SLC25A24: variants seen among roughly 807,000 people sequenced by gnomAD.
SLC25A24 encodes solute carrier family 25 member 24, also known as mitochondrial adenyl nucleotide antiporter SLC25A24.
Under a neutral mutation model 60.7 loss-of-function variants are expected in SLC25A24, and 49 were observed. The ratio of observed to expected loss-of-function variants is 0.81; its 90% CI spans 0.64 to 1.02. The LOEUF (loss-of-function observed/expected upper bound fraction) is 1.02, where lower values mean the gene tolerates loss of function less well. Among genes scored for constraint, SLC25A24 ranks in the 50% least tolerant of loss-of-function variants. The probability of loss-of-function intolerance (pLI) is 0.00; values close to 1 mark genes in which losing one functional copy is unlikely to be tolerated. For missense variants in SLC25A24, 564 were observed against 586.3 expected (o/e 0.96, Z 0.39); for synonymous variants, 202 against 200.6 (o/e 1.01, Z -0.06).
intron 8 of SLC25A24, 58 bp downstream of exon 8, chr1:108,143,485 T>C: frequency 7.0e-7 from 1 of 1,419,756 alleles, no homozygotes; most frequent in African/African-American, 1.4e-5. Context: ...TCATATAAAG[T>C]CCAATTCTAA....
At chr1:108,165,768 T>C (rs1069908) in intron 3 of SLC25A24, among the ~76,000 whole-genome samples, 107,316 of 152,018 alleles carry the variant, frequency 0.71, 38,313 homozygotes, top group African/African-American at 0.81. Flanking sequence ...CTGTGTCTTT[T>C]AATTGGAGCA....
chr1:108,141,134 G>A (rs993071875), intron 8 of SLC25A24, among the ~76,000 whole-genome samples: 39 of 152,040 alleles, frequency 2.6e-4, no homozygotes, highest in African/African-American at 9.4e-4. Flanking sequence ...AGAGAAAAGG[G>A]GTGGCCATAA....
intron 4 of SLC25A24, among the ~76,000 whole-genome samples, chr1:108,159,178 A>G (rs1163220647): frequency 2.6e-5 from 4 of 152,220 alleles, no homozygotes; most frequent in African/African-American, 9.6e-5. Context: ...ACTGGTATGA[A>G]ATGCTAAGCA....
intron 4 of SLC25A24, among the ~76,000 whole-genome samples, chr1:108,160,084 C>T (rs1312350065): frequency 2.6e-5 from 4 of 151,420 alleles, no homozygotes; most frequent in Admixed American, 6.6e-5. Flanking sequence ...GGTGGCTGGC[C>T]GGGCGGGGGG....
chr1:108,175,824 G>A (rs1647657319), intron 3 of SLC25A24, among the ~76,000 whole-genome samples: 1 of 152,168 alleles, frequency 6.6e-6, no homozygotes, highest in Non-Finnish European at 1.5e-5. Flanking sequence ...CAATTTGGAA[G>A]TTCTTCAAAA....
chr1:108,159,473 T>G (rs1202302556), intron 4 of SLC25A24, among the ~76,000 whole-genome samples: 1 of 151,326 alleles, frequency 6.6e-6, no homozygotes, highest in African/African-American at 2.4e-5. Flanking sequence ...TGTTTTTTTT[T>G]TTTTTTTTTT....
chr1:108,170,445 G>T (rs1391137609), intron 3 of SLC25A24, among the ~76,000 whole-genome samples: 1 of 151,842 alleles, frequency 6.6e-6, no homozygotes, highest in African/African-American at 2.4e-5. Flanking sequence ...CTAATTTTTT[G>T]ATGCTAGGTC....
chr1:108,158,703 GAAAAA>G (rs34586204), intron 4 of SLC25A24, among the ~76,000 whole-genome samples: 1 of 138,278 alleles, frequency 7.2e-6, no homozygotes. Flanking sequence ...AGCCCATAAA[GAAAAA>G]AAAAAAAAAA....
intron 1 of SLC25A24, among the ~76,000 whole-genome samples, chr1:108,187,525 CA>C (rs1458805741): frequency 6.6e-6 from 1 of 151,866 alleles, no homozygotes; most frequent in Non-Finnish European, 1.5e-5. Context: ...AGCTTTATAT[CA>C]AAAATATGAA....
chr1:108,155,950 AACACACACACACACAC>A, intron 5 of SLC25A24, among the ~76,000 whole-genome samples: 1 of 149,242 alleles, frequency 6.7e-6, no homozygotes, highest in African/African-American at 2.5e-5. Context: ...ACTACCACTA[AACACACACACACACAC>A]ACACACACAC....
At chr1:108,187,214 G>T (rs1003143664) in intron 1 of SLC25A24, among the ~76,000 whole-genome samples, 3 of 152,084 alleles carry the variant, frequency 2.0e-5, no homozygotes, top group African/African-American at 7.2e-5. Flanking sequence ...CTTAGAGAAA[G>T]ATTTCTGGTT....
chr1:108,144,924 A>G (rs1201683257), intron 7 of SLC25A24, among the ~76,000 whole-genome samples: 1 of 152,236 alleles, frequency 6.6e-6, no homozygotes, highest in Non-Finnish European at 1.5e-5. Context: ...AGAAAAATCT[A>G]TAATCCTTTG....
At chr1:108,166,065 C>T (rs930586361) in intron 3 of SLC25A24, among the ~76,000 whole-genome samples, 25 of 152,102 alleles carry the variant, frequency 1.6e-4, no homozygotes, top group South Asian at 2.1e-4. Context: ...CTTAGTTTGG[C>T]TGGATATGAA....
Position 108,139,183 on chromosome 1 carries a change from T to G in SLC25A24, c.1124A>C (p.Asn375Thr), listed in dbSNP as rs376390270. The change falls in exon 9 of 10, where the codon AAT becomes ACT. Residue 375 changes from asparagine (N) to threonine (T), a missense_variant. Physicochemically the swap from Asn to Thr is moderately conservative, Grantham distance 65. Transcript: ENST00000565488. The part of the protein sequence containing the change: ...YELLKSYWLD[N>T]FAKDSVNPGV... ...AGGGTTTACAGAATCTTTTGCAAAA[T>G]TATCCAGCCAATAGGACTTCAAGAG... The G allele has an allele frequency of 3.1e-6, 5 of 1,606,786 alleles. No individual in the cohort carries two copies. In the African/African-American group the frequency reaches 6.7e-5, roughly 22 times the overall value.
chr1:108,195,943 T>C (rs1306752401), intron 1 of SLC25A24, among the ~76,000 whole-genome samples: 1 of 149,376 alleles, frequency 6.7e-6, no homozygotes, highest in African/African-American at 2.5e-5. Context: ...GAGGCTGCAG[T>C]GAGCCGAGAT....
In SLC25A24 at chr1:108,136,435, T is replaced by A. The variant is rs576342991; in HGVS notation, c.*218A>T. ...TTATTAAGAAAAGATAAAGTATAAT[T>A]GTGTGGCCTTTTCAAAACACATTAA... On this transcript the variant is annotated 3_prime_UTR_variant, in exon 10 of 10. Coordinates refer to ENST00000565488, the MANE Select transcript of SLC25A24 (RefSeq NM_013386.5). The A allele has an allele frequency of 2.1e-6, 1 of 481,054 alleles. No homozygotes were observed. The highest frequency in any genetic ancestry group is 3.7e-6 in the Non-Finnish European group (1 of 273,382). 29.8% of individuals were successfully genotyped at this position (481,054 alleles called of 1,614,324 possible).
At chr1:108,165,617 C>G (rs1398683043) in intron 3 of SLC25A24, among the ~76,000 whole-genome samples, 1 of 151,958 alleles carries the variant, frequency 6.6e-6, no homozygotes, top group Non-Finnish European at 1.5e-5. Context: ...GATTGCAACC[C>G]CTGTCTTTTT....
intron 5 of SLC25A24, 68 bp from the exon 6 acceptor site, chr1:108,155,203 A>C: frequency 2.1e-6 from 3 of 1,396,816 alleles, no homozygotes; most frequent in South Asian, 1.4e-5. Context: ...TAGAACAACC[A>C]CACAATCTTT....
intron 8 of SLC25A24, among the ~76,000 whole-genome samples, chr1:108,140,803 T>C (rs557694241): frequency 9.5e-6 from 1 of 105,516 alleles, no homozygotes; most frequent in African/African-American, 3.7e-5. Flanking sequence ...GAGAAGGGAA[T>C]CAGAACATAT....
Sources: allele counts gnomAD v4.1 joint callset (sites outside exome capture counted in the v4.1 genomes callset), GRCh38; gene constraint gnomAD v4.1.1; transcripts MANE v1.5; gene names NCBI Gene and HGNC (gene_info 2026-07-23, HGNC 2026-07-21).